The following COL15A1 variants were observed in gnomAD, a reference collection of about 807,000 sequenced individuals.
The protein encoded by COL15A1 is collagen type XV alpha 1 chain.
Under a neutral mutation model 165.9 loss-of-function variants are expected in COL15A1, and 111 were observed. The ratio of observed to expected loss-of-function variants is 0.67; its 90% CI spans 0.57 to 0.78. The LOEUF is 0.78. Ranked by LOEUF, COL15A1 falls within the 30% of genes least tolerant of loss-of-function variation. The probability of loss-of-function intolerance (pLI) is 0.00; values close to 1 mark genes in which losing one functional copy is unlikely to be tolerated. For synonymous variants in COL15A1, 659 were observed against 674.8 expected (o/e 0.98, Z 0.36); for missense variants, 1,745 against 1,789.7 (o/e 0.98, Z 0.45).
At chr9:99,034,611 A>AT in intron 17 of COL15A1, 27 bp downstream of exon 17, 1 of 1,454,022 alleles carries the variant, frequency 6.9e-7, no homozygotes, top group Non-Finnish European at 9.0e-7. Flanking sequence ...AAAAAAAAAA[A>AT]AAAGAACTTT....
At chr9:99,040,496 G>C in intron 22 of COL15A1, 25 bp from the exon 23 acceptor site, 1 of 1,614,116 alleles carries the variant, frequency 6.2e-7, no homozygotes, top group Non-Finnish European at 8.5e-7. Context: ...CTAATCCAGC[G>C]TGCTCTATCT....
chr9:99,064,760 A>C (rs2117993176), intron 39 of COL15A1, among the ~76,000 whole-genome samples: 1 of 152,350 alleles, frequency 6.6e-6, no homozygotes, highest in African/African-American at 2.4e-5. Flanking sequence ...AGAGCAAAGC[A>C]TTTAGTAGCC....
chr9:99,048,788 A>G (rs1839536279), intron 28 of COL15A1, among the ~76,000 whole-genome samples: 1 of 142,084 alleles, frequency 7.0e-6, no homozygotes, highest in African/African-American at 2.7e-5. Context: ...GGTGATAACT[A>G]TTGCATGAGA....
intron 26 of COL15A1, among the ~76,000 whole-genome samples, chr9:99,045,507 C>T (rs1303077935): frequency 6.6e-6 from 1 of 152,240 alleles, no homozygotes; most frequent in Non-Finnish European, 1.5e-5. Flanking sequence ...CTGAGCAGCT[C>T]TTGCCATTTC....
chr9:99,056,258 A>G lies in COL15A1; in HGVS notation c.3193-2A>G. 6.2e-7 allele frequency: 1 copy of G among 1,614,144 alleles called. No homozygotes were observed. Among genetic ancestry groups the G allele is most frequent in the Non-Finnish European group, 8.5e-7 (1 of 1,179,962 alleles). ...TCTGTTATTGTGTGCTTGCCTTGAC[A>G]GGGCCAAAAAGGGGAGACAGTCGTT... On this transcript the variant is annotated splice_acceptor_variant, in intron 34 of 41. Coordinates refer to ENST00000375001, the MANE Select transcript of COL15A1 (RefSeq NM_001855.5). LOFTEE classifies it high-confidence loss of function.
intron 39 of COL15A1, 114 bp downstream of exon 39, chr9:99,063,223 G>A: frequency 2.4e-6 from 3 of 1,244,020 alleles, no homozygotes; most frequent in Non-Finnish European, 3.2e-6. Context: ...ACTAGTGAGA[G>A]AGGCAAACAA....
At chr9:99,009,675 C>T (rs963310031) in intron 9 of COL15A1, among the ~76,000 whole-genome samples, 3 of 151,888 alleles carry the variant, frequency 2.0e-5, no homozygotes, top group Non-Finnish European at 4.4e-5. Flanking sequence ...CAAAGTGATA[C>T]CTCAAAGAGT....
At chr9:98,952,105 T>C (rs1239403880) in intron 2 of COL15A1, among the ~76,000 whole-genome samples, 1 of 152,198 alleles carries the variant, frequency 6.6e-6, no homozygotes, top group Non-Finnish European at 1.5e-5. Flanking sequence ...GGATTTCAGG[T>C]GCAGGACTGG....
At chr9:99,007,929 G>A (rs1250301724) in intron 9 of COL15A1, among the ~76,000 whole-genome samples, 1 of 152,052 alleles carries the variant, frequency 6.6e-6, no homozygotes, top group Non-Finnish European at 1.5e-5. Flanking sequence ...AAAACATTAG[G>A]CAAGACCAAA....
At chr9:99,054,436 C>A in intron 31 of COL15A1, 140 bp from the exon 32 acceptor site, 2 of 839,344 alleles carry the variant, frequency 2.4e-6, no homozygotes, top group Non-Finnish European at 3.6e-6. Flanking sequence ...TATGATTTTA[C>A]ACTTGCTGAT....
intron 21 of COL15A1, among the ~76,000 whole-genome samples, chr9:99,038,352 C>G (rs1290098895): frequency 6.6e-6 from 1 of 152,194 alleles, no homozygotes; most frequent in Non-Finnish European, 1.5e-5. Context: ...AAAATAACCA[C>G]ATGGACAAAC....
At chr9:99,032,918 C>G (rs1461935252) in intron 16 of COL15A1, among the ~76,000 whole-genome samples, 1 of 152,138 alleles carries the variant, frequency 6.6e-6, no homozygotes, top group Non-Finnish European at 1.5e-5. Flanking sequence ...AATAGCTTGT[C>G]TTTGTGTCAT....
At chr9:99,065,758 A>G (rs1825881890) in intron 39 of COL15A1, among the ~76,000 whole-genome samples, 1 of 150,680 alleles carries the variant, frequency 6.6e-6, no homozygotes, top group South Asian at 2.2e-4. Flanking sequence ...CTCTGCAGGA[A>G]GGAAAGGGGT....
chr9:99,069,984 T>G lies in COL15A1; in HGVS notation c.*98T>G. ...TTTAATTGTTGTAAATATTACAGTT[T>G]TTTTTTTTTACTACATATTCTTTAC... On this transcript the variant is annotated 3_prime_UTR_variant, in exon 42 of 42. Transcript: ENST00000375001. 1 of 1,006,684 alleles carries G rather than the reference T, an allele frequency of 9.9e-7. No homozygotes were observed. The highest frequency in any genetic ancestry group is 1.4e-6 in the Non-Finnish European group (1 of 702,598). The allele number at this position is 1,006,684 out of a possible 1,614,324, so 62.4% of individuals were successfully genotyped here.
intron 24 of COL15A1, among the ~76,000 whole-genome samples, chr9:99,043,638 G>A (rs1460800377): frequency 6.6e-6 from 1 of 152,100 alleles, no homozygotes; most frequent in Non-Finnish European, 1.5e-5. Context: ...TAAATACCAG[G>A]TGTGGGCTTA....
intron 2 of COL15A1, among the ~76,000 whole-genome samples, chr9:98,955,687 C>T (rs556888773): frequency 2.0e-5 from 3 of 152,330 alleles, no homozygotes; most frequent in East Asian, 1.9e-4. Flanking sequence ...AAAAGTTAAG[C>T]TGTGCTTTTT....
intron 28 of COL15A1, 108 bp from the exon 29 acceptor site, chr9:99,049,582 T>G: frequency 1.4e-6 from 2 of 1,406,226 alleles, no homozygotes; most frequent in Non-Finnish European, 2.0e-6. Flanking sequence ...GAGAAGTTGG[T>G]TGGCTTCAGC....
chr9:98,999,133 G>A lies in COL15A1; in HGVS notation c.953-1706G>A, dbSNP rs184630528. On this transcript the variant is annotated intron_variant, in intron 6 of 41. Transcript: ENST00000375001. The stretch of plus-strand genomic sequence containing the variant: ...GATGGGACAGGAGTGGGTGGGGAGG[G>A]GGGCAGAGTCCTTTGGAGGATTTGG... 3.9e-5 allele frequency among the ~76,000 whole-genome samples: 6 copies of A among 152,350 alleles called. No individual in the cohort carries two copies. In the East Asian group the frequency reaches 1.2e-3, roughly 29 times the overall value.
intron 34 of COL15A1, among the ~76,000 whole-genome samples, chr9:99,055,698 A>G (rs1825711476): frequency 6.6e-6 from 1 of 152,246 alleles, no homozygotes; most frequent in South Asian, 2.1e-4. Context: ...GCAGAATGGA[A>G]GGTAAGGAGA....
Sources: gnomAD v4.1 joint callset for allele counts (sites outside exome capture counted in the v4.1 genomes callset) on GRCh38, gnomAD v4.1.1 for gene constraint, MANE v1.5 for transcripts, NCBI Gene and HGNC (gene_info 2026-07-23, HGNC 2026-07-21) for gene names.